Variants in ADAMTS3 observed in about 807,000 individuals in gnomAD.
ADAMTS3 encodes the protein ADAM metallopeptidase with thrombospondin type 1 motif 3.
Under a neutral mutation model 129.0 loss-of-function variants are expected in ADAMTS3, and 73 were observed. The observed-to-expected ratio is 0.57, with a 90% CI of 0.47 to 0.69. The LOEUF (loss-of-function observed/expected upper bound fraction) is 0.69, where lower values mean the gene tolerates loss of function less well. Ranked by LOEUF, ADAMTS3 falls within the 30% of genes least tolerant of loss-of-function variation. The pLI is 0.00. For synonymous variants in ADAMTS3, 477 were observed against 510.8 expected (o/e 0.93, Z 0.89); for missense variants, 1,457 against 1,514.5 (o/e 0.96, Z 0.63).
At chr4:72,310,507 C>A (rs542382242) in intron 14 of ADAMTS3, among the ~76,000 whole-genome samples, 2 of 151,928 alleles carry the variant, frequency 1.3e-5, no homozygotes, top group Non-Finnish European at 2.9e-5. Context: ...AATTTCATAT[C>A]GATTTAACTA....
intron 2 of ADAMTS3, among the ~76,000 whole-genome samples, chr4:72,556,720 C>T (rs574512647): frequency 6.6e-6 from 1 of 151,672 alleles, no homozygotes; most frequent in African/African-American, 2.4e-5. Context: ...AATTAAGGCT[C>T]GCAGAGGTTA....
intron 21 of ADAMTS3, among the ~76,000 whole-genome samples, chr4:72,285,574 A>C (rs919555767): frequency 6.6e-6 from 1 of 152,102 alleles, no homozygotes; most frequent in African/African-American, 2.4e-5. Context: ...AAGGAGTCCA[A>C]CCAAAGGTCT....
intron 3 of ADAMTS3, among the ~76,000 whole-genome samples, chr4:72,509,347 T>C (rs1299051921): frequency 6.6e-6 from 1 of 151,838 alleles, no homozygotes; most frequent in African/African-American, 2.4e-5. Context: ...AATTGGGTTT[T>C]TGAAAAGTCA....
At chr4:72,357,182 G>A (rs1265500252) in intron 4 of ADAMTS3, among the ~76,000 whole-genome samples, 3 of 151,878 alleles carry the variant, frequency 2.0e-5, no homozygotes, top group Non-Finnish European at 2.9e-5. Context: ...TGTGTATGGA[G>A]ATGCTCCTTT....
At chr4:72,455,834 G>GTGTATATACTATATAGTATATATACAC (rs1718540810) in intron 3 of ADAMTS3, among the ~76,000 whole-genome samples, 1 of 79,110 alleles carries the variant, frequency 1.3e-5, no homozygotes, top group African/African-American at 5.6e-5. Flanking sequence ...AGTATATACA[G>GTGTATATACTATATAGTATATATACAC]TGTATATACT....
At chr4:72,419,155 T>G (rs1225242466) in intron 3 of ADAMTS3, among the ~76,000 whole-genome samples, 1 of 152,208 alleles carries the variant, frequency 6.6e-6, no homozygotes, top group African/African-American at 2.4e-5. Flanking sequence ...TTATTCTAAC[T>G]GAAAATAATG....
intron 3 of ADAMTS3, among the ~76,000 whole-genome samples, chr4:72,467,347 C>A (rs935509868): frequency 6.6e-6 from 1 of 152,090 alleles, no homozygotes; most frequent in African/African-American, 2.4e-5. Context: ...CCCACAGTAT[C>A]TATTGCAGTA....
At chr4:72,505,632 G>C (rs902999664) in intron 3 of ADAMTS3, among the ~76,000 whole-genome samples, 3 of 152,104 alleles carry the variant, frequency 2.0e-5, no homozygotes, top group Non-Finnish European at 4.4e-5. Context: ...ACATGCACAA[G>C]TGCTAAGAGA....
chr4:72,540,310 G>A (rs1015451144), intron 3 of ADAMTS3, among the ~76,000 whole-genome samples: 1 of 152,154 alleles, frequency 6.6e-6, no homozygotes, highest in Admixed American at 6.5e-5. Flanking sequence ...TGAGAGAGAT[G>A]ATTTAGGGTA....
At chr4:72,482,116 C>T (rs188539248) in intron 3 of ADAMTS3, among the ~76,000 whole-genome samples, 147 of 152,074 alleles carry the variant, frequency 9.7e-4, no homozygotes, top group African/African-American at 3.3e-3. Context: ...AAACTAATCA[C>T]TCAATTATCA....
At chr4:72,334,747 A>G (rs1719946185) in intron 5 of ADAMTS3, among the ~76,000 whole-genome samples, 1 of 152,208 alleles carries the variant, frequency 6.6e-6, no homozygotes, top group Non-Finnish European at 1.5e-5. Context: ...TAGTAAAACT[A>G]TAAACATTTC....
intron 4 of ADAMTS3, among the ~76,000 whole-genome samples, chr4:72,369,892 C>T (rs1578621658): frequency 6.6e-6 from 1 of 151,308 alleles, no homozygotes; most frequent in East Asian, 1.9e-4. Context: ...GCATATAAAC[C>T]GAAATTCAAG....
At chr4:72,481,062 A>T (rs1188814064) in intron 3 of ADAMTS3, among the ~76,000 whole-genome samples, 3 of 152,142 alleles carry the variant, frequency 2.0e-5, no homozygotes, top group Non-Finnish European at 4.4e-5. Flanking sequence ...AAAGACCTAA[A>T]TAAAGGGAAA....
At chr4:72,305,831 C>A in intron 16 of ADAMTS3, among the ~76,000 whole-genome samples, 156 bp downstream of exon 16, 2 of 152,046 alleles carry the variant, frequency 1.3e-5, no homozygotes, top group East Asian at 3.9e-4. Context: ...CGCACATATA[C>A]GTATGCACAT....
At position 72,311,071 on chromosome 4, in the gene ADAMTS3, T is replaced by C. The variant is rs948485248; in HGVS notation, c.2032A>G (p.Ile678Val). ...ACCACACACTCTCCTCGCACACATATGCTATATGGATCTTTGTAAGAACAG... is the reference window on the plus strand; with the variant it reads ...ACCACACACTCTCCTCGCACACATACGCTATATGGATCTTTGTAAGAACAG... ...THCSYKDPYS[I>V]CVRGECVKVG... Residue 678 changes from isoleucine (I) to valine (V), a missense_variant, in exon 14 of 22, where the codon ATA becomes GTA. Ile to Val is a conservative substitution (Grantham distance 29). Transcript: ENST00000286657. 3.8e-5 allele frequency: 62 copies of C among 1,610,706 alleles called. No homozygotes were observed. Among genetic ancestry groups the C allele is most frequent in the Non-Finnish European group, 5.2e-5 (61 of 1,177,920 alleles).
chr4:72,516,217 C>A (rs1464525187), intron 3 of ADAMTS3, among the ~76,000 whole-genome samples: 1 of 152,088 alleles, frequency 6.6e-6, no homozygotes, highest in Non-Finnish European at 1.5e-5. Context: ...GGTACCAGTA[C>A]CATGCTGTTT....
intron 4 of ADAMTS3, among the ~76,000 whole-genome samples, chr4:72,368,668 A>C (rs1404167893): frequency 2.0e-5 from 3 of 152,244 alleles, no homozygotes; most frequent in Non-Finnish European, 4.4e-5. Context: ...AAGCAACCAC[A>C]ATTCTTAAAG....
chr4:72,312,175 C>T, intron 13 of ADAMTS3, 116 bp downstream of exon 13: 1 of 1,118,560 alleles, frequency 8.9e-7, no homozygotes, highest in East Asian at 2.4e-5. Context: ...CTCCTATAAG[C>T]ACCAAGTTTC....
intron 3 of ADAMTS3, among the ~76,000 whole-genome samples, chr4:72,511,203 G>A (rs1720305031): frequency 6.6e-6 from 1 of 152,086 alleles, no homozygotes; most frequent in Non-Finnish European, 1.5e-5. Flanking sequence ...AAAATCTCCA[G>A]GATATTGATC....
Sources: gnomAD v4.1 joint callset for allele counts (sites outside exome capture counted in the v4.1 genomes callset) on GRCh38, gnomAD v4.1.1 for gene constraint, MANE v1.5 for transcripts, NCBI Gene and HGNC (gene_info 2026-07-23, HGNC 2026-07-21) for gene names.